Variants in GRM7 observed in about 807,000 individuals in gnomAD.
GRM7 encodes metabotropic glutamate receptor 7.
In GRM7, 35 loss-of-function variants were observed where a neutral mutation model predicts 84.5. That is an observed-to-expected ratio of 0.41 (90% CI 0.32 to 0.55). The LOEUF is 0.55. Among genes scored for constraint, GRM7 ranks in the 20% least tolerant of loss-of-function variants. The pLI is 0.19. For synonymous variants in GRM7, 487 were observed against 455.1 expected, an observed-to-expected ratio of 1.07 and a Z score of -0.89; for missense variants, 1,003 against 1,194.6, an observed-to-expected ratio of 0.84 and a Z score of 2.36.
At chr3:7,483,297 C>A (rs1457574509) in intron 7 of GRM7, among the ~76,000 whole-genome samples, 14 of 152,142 alleles carry the variant, frequency 9.2e-5, no homozygotes, top group Admixed American at 9.2e-4. Context: ...TGATGTGATA[C>A]CAAAGGATAC....
intron 2 of GRM7, among the ~76,000 whole-genome samples, chr3:7,167,322 G>C (rs137973723): frequency 2.0e-5 from 3 of 152,164 alleles, no homozygotes; most frequent in African/African-American, 7.2e-5. Flanking sequence ...TCATCAGTAT[G>C]TTGTGATGAT....
intron 7 of GRM7, among the ~76,000 whole-genome samples, chr3:7,511,578 C>G (rs1700212585): frequency 6.6e-6 from 1 of 151,638 alleles, no homozygotes; most frequent in African/African-American, 2.4e-5. Flanking sequence ...ATGGTCATAC[C>G]CAGACATGCA....
chr3:7,464,768 C>G (rs920236272), intron 7 of GRM7, among the ~76,000 whole-genome samples: 4 of 148,288 alleles, frequency 2.7e-5, no homozygotes, highest in Non-Finnish European at 1.5e-5. Context: ...GTGGAGCTTA[C>G]AGTGAGCCAA....
intron 1 of GRM7, among the ~76,000 whole-genome samples, chr3:7,039,070 G>A (rs1266729191): frequency 6.6e-6 from 1 of 152,160 alleles, no homozygotes; most frequent in African/African-American, 2.4e-5. Flanking sequence ...GGTCAAGTTT[G>A]AGGACCACTG....
chr3:7,058,916 A>C (rs1697329519), intron 1 of GRM7, among the ~76,000 whole-genome samples: 1 of 151,924 alleles, frequency 6.6e-6, no homozygotes, highest in Admixed American at 6.6e-5. Flanking sequence ...AACATCTTCA[A>C]ATAAGGAAGA....
intron 8 of GRM7, among the ~76,000 whole-genome samples, chr3:7,582,672 C>A (rs988061422): frequency 2.6e-5 from 4 of 152,088 alleles, no homozygotes; most frequent in African/African-American, 9.7e-5. Flanking sequence ...GGTTATATTA[C>A]AAAACTTAAG....
chr3:7,635,801 G>T (rs768032907), intron 8 of GRM7, among the ~76,000 whole-genome samples: 20 of 151,946 alleles, frequency 1.3e-4, no homozygotes, highest in Non-Finnish European at 2.4e-4. Flanking sequence ...ACCTTCCTGA[G>T]TATCTGGGAC....
rs1326834072 is a variant in GRM7, at chr3:7,621,055, T to C, written c.2451+41698T>C. ...TCCTTTTTATACTGTAGAAACGGGA[T>C]GCATTTCCCACCCCACATGAATTCA... On this transcript the variant is annotated intron_variant, in intron 8 of 9. Transcript: ENST00000357716. 3.3e-5 allele frequency among the ~76,000 whole-genome samples: 5 copies of C among 152,256 alleles called. No homozygotes were observed. The East Asian group carries it at 7.7e-4, about 24-fold the overall frequency.
At chr3:7,236,338 G>A (rs1697346992) in intron 2 of GRM7, among the ~76,000 whole-genome samples, 1 of 152,104 alleles carries the variant, frequency 6.6e-6, no homozygotes. Context: ...CTTACTTTAT[G>A]TTTACCACAA....
At chr3:7,281,438 T>C (rs1699248058) in intron 2 of GRM7, among the ~76,000 whole-genome samples, 5 of 152,124 alleles carry the variant, frequency 3.3e-5, no homozygotes, top group Admixed American at 3.3e-4. Context: ...AAATTGTGAA[T>C]TTTCCTTCTA....
At chr3:6,955,287 G>A (rs1282196863) in intron 1 of GRM7, among the ~76,000 whole-genome samples, 1 of 152,202 alleles carries the variant, frequency 6.6e-6, no homozygotes, top group Non-Finnish European at 1.5e-5. Context: ...TGTAATCCCA[G>A]CACTTTGGGA....
At chr3:7,737,841 CA>C (rs1208665965) in intron 9 of GRM7, among the ~76,000 whole-genome samples, 4 of 149,334 alleles carry the variant, frequency 2.7e-5, no homozygotes, top group Admixed American at 6.7e-5. Context: ...ATTATTCTCC[CA>C]ATTTTTTTTT....
chr3:7,088,573 AC>A (rs1698543250), intron 1 of GRM7, among the ~76,000 whole-genome samples: 1 of 150,154 alleles, frequency 6.7e-6, no homozygotes, highest in Non-Finnish European at 1.5e-5. Context: ...CTCAGGAAAC[AC>A]TTGGTTACAA....
At chr3:7,562,905 G>C (rs552685676) in intron 7 of GRM7, among the ~76,000 whole-genome samples, 2 of 151,758 alleles carry the variant, frequency 1.3e-5, no homozygotes, top group South Asian at 4.2e-4. Flanking sequence ...TCATTATAAT[G>C]AAATGTGAGA....
At chr3:6,975,288 G>T (rs925707703) in intron 1 of GRM7, among the ~76,000 whole-genome samples, 2 of 152,160 alleles carry the variant, frequency 1.3e-5, no homozygotes, top group Non-Finnish European at 2.9e-5. Flanking sequence ...ACCAGGAGTT[G>T]TCAAATCCTT....
In GRM7 at chr3:7,097,719, C is replaced by T. The variant is rs142675093; in HGVS notation, c.520-48733C>T. Among the ~76,000 whole-genome samples the T allele has an allele frequency of 1.6e-3, 239 of 152,224 alleles. 1 individual carries two copies. Among genetic ancestry groups the T allele is most frequent in the African/African-American group, 5.1e-3 (210 of 41,546 alleles). On this transcript the variant is annotated intron_variant, in intron 1 of 9. Transcript: ENST00000357716. The stretch of plus-strand genomic sequence containing the variant: ...ATACTCTCGACACTGCTAAAAACTT[C>T]GCTGTGAGGTCACCAGAACTTCCAG...
At chr3:7,417,435 C>A (rs1696212013) in intron 5 of GRM7, among the ~76,000 whole-genome samples, 1 of 151,786 alleles carries the variant, frequency 6.6e-6, no homozygotes, top group Non-Finnish European at 1.5e-5. Context: ...GATAGTATTC[C>A]AAAAAATACT....
At chr3:6,967,654 A>G (rs371592775) in intron 1 of GRM7, among the ~76,000 whole-genome samples, 5 of 152,326 alleles carry the variant, frequency 3.3e-5, no homozygotes, top group East Asian at 1.9e-4. Flanking sequence ...TATTTTTCCT[A>G]TGTAGTCAAT....
At chr3:7,443,253 C>A (rs769443178) in intron 5 of GRM7, among the ~76,000 whole-genome samples, 1 of 152,020 alleles carries the variant, frequency 6.6e-6, no homozygotes, top group African/African-American at 2.4e-5. Context: ...TTTTCCTCAC[C>A]ATTGGCCAAT....
Sources: allele counts gnomAD v4.1 joint callset (sites outside exome capture counted in the v4.1 genomes callset), GRCh38; gene constraint gnomAD v4.1.1; transcripts MANE v1.5; gene names NCBI Gene and HGNC (gene_info 2026-07-23, HGNC 2026-07-21).